DST: variants seen among roughly 807,000 people sequenced by gnomAD.
DST encodes the protein dystonin.
DST carries 253 observed loss-of-function variants against 875.2 expected under a neutral mutation model. That is an observed-to-expected ratio of 0.29 (90% CI 0.26 to 0.32). The LOEUF is 0.32. Among genes scored for constraint, DST ranks in the 10% least tolerant of loss-of-function variants. The pLI is 1.00. For synonymous variants in DST, 3,124 were observed against 3,197.1 expected (o/e 0.98, Z 0.77); for missense variants, 8,287 against 9,111.6 (o/e 0.91, Z 3.68).
intron 95 of DST, 25 bp downstream of exon 95, chr6:56,471,081 C>A: frequency 6.2e-7 from 1 of 1,601,428 alleles, no homozygotes; most frequent in South Asian, 1.1e-5. Context: ...TTGTATCAGT[C>A]ATAGTCATCT....
chr6:56,607,932 C>G lies in DST; in HGVS notation c.6696G>C (p.Met2232Ile). The G allele has an allele frequency of 6.2e-7, 1 of 1,613,682 alleles. No homozygotes were observed. The highest frequency in any genetic ancestry group is 1.1e-5 in the South Asian group (1 of 91,076). Residue 2232 changes from methionine (M) to isoleucine (I), a missense_variant, in exon 40 of 104, where the codon ATG (methionine) becomes ATC (isoleucine). Physicochemically the swap from Met to Ile is conservative, Grantham distance 10. This residue lies in a region of DST where 3,138 missense variants were observed against 3,116.6 expected (regional missense o/e 1.01). Coordinates refer to ENST00000680361, the MANE Select transcript of DST (RefSeq NM_001374736.1). ...YDGDLDEAVGMLLEGCHAEFD... is the reference protein window; with the variant it reads ...YDGDLDEAVGILLEGCHAEFD... Reference sequence around the variant, plus strand: ...ATTCTGCATGACAGCCTTCCAGTAGCATGCCAACAGCCTCATCCAAGTCTC... The same window carrying G: ...ATTCTGCATGACAGCCTTCCAGTAGGATGCCAACAGCCTCATCCAAGTCTC...
At chr6:56,691,473 G>A (rs2099228842) in intron 9 of DST, among the ~76,000 whole-genome samples, 1 of 152,044 alleles carries the variant, frequency 6.6e-6, no homozygotes, top group Non-Finnish European at 1.5e-5. Context: ...AATGATCTCT[G>A]CTCATTGATA....
chr6:56,639,838 T>C, intron 19 of DST, 65 bp from the exon 20 acceptor site: 1 of 1,583,932 alleles, frequency 6.3e-7, no homozygotes, highest in Non-Finnish European at 8.7e-7. Context: ...TCACACTTAA[T>C]GTATCTATTA....
intron 36 of DST, among the ~76,000 whole-genome samples, chr6:56,621,298 T>C (rs2098688733): frequency 6.6e-6 from 1 of 152,140 alleles, no homozygotes; most frequent in African/African-American, 2.4e-5. Context: ...GGAAATAACA[T>C]GGGGAAGAAG....
At chr6:56,491,213 T>G (rs546360093) in intron 85 of DST, among the ~76,000 whole-genome samples, 34 of 152,348 alleles carry the variant, frequency 2.2e-4, no homozygotes, top group African/African-American at 7.9e-4. Flanking sequence ...CAATTTGTCA[T>G]TTCTCAAGCC....
In DST at chr6:56,631,291, G is replaced by A. The variant is rs78600049; in HGVS notation, c.4062C>T (p.Val1354=). The part of the protein sequence containing the change: ...FFSQAAASSS[V]PTLRSELNVV... ...CATTAAGCTCTGATCGTAGGGTAGGGACTGATGAAGAGGCTGCTGCTTGAC... is the reference window on the plus strand; with the variant it reads ...CATTAAGCTCTGATCGTAGGGTAGGAACTGATGAAGAGGCTGCTGCTTGAC... Residue 1354 remains valine (V), a synonymous_variant, in exon 30 of 104, where the codon GTC becomes GTT. Transcript: ENST00000680361. 3,765 of 1,613,884 alleles carry A rather than the reference G, an allele frequency of 2.3e-3. 66 individuals are homozygous for A. In the African/African-American group the frequency reaches 0.043, roughly 18 times the overall value.
chr6:56,796,494 G>A (rs536579771), intron 4 of DST, among the ~76,000 whole-genome samples: 1 of 152,156 alleles, frequency 6.6e-6, no homozygotes, highest in Non-Finnish European at 1.5e-5. Flanking sequence ...CCAATACACA[G>A]GGCACAAAAC....
chr6:56,777,353 T>C (rs1253234615), intron 4 of DST, among the ~76,000 whole-genome samples: 3 of 152,026 alleles, frequency 2.0e-5, no homozygotes, highest in African/African-American at 7.3e-5. Context: ...ACTAACAATA[T>C]AACCTAGCTT....
At position 56,557,406 on chromosome 6, in the gene DST, C is replaced by G; in HGVS notation, c.14553G>C (p.Trp4851Cys). 1 of 1,613,706 alleles carries G rather than the reference C, an allele frequency of 6.2e-7. No individual in the cohort carries two copies. Among genetic ancestry groups the G allele is most frequent in the Non-Finnish European group, 8.5e-7 (1 of 1,179,706 alleles). The change falls in exon 59 of 104, where the codon TGG (tryptophan) becomes TGC (cysteine). Residue 4851 changes from tryptophan to cysteine, a missense_variant. Around this residue, in one of 10 missense-constraint regions of DST, gnomAD observed 1,513 missense variants for 1,677.8 expected, o/e 0.90. Transcript: ENST00000680361. The part of the protein sequence containing the change: ...FQTVEAQLKQ[W>C]LVEKELMVSV... ...TGACCATAAGTTCTTTTTCCACAAGCCACTGTTTCAATTGGGCCTCTACAG... is the reference window on the plus strand; with the variant it reads ...TGACCATAAGTTCTTTTTCCACAAGGCACTGTTTCAATTGGGCCTCTACAG...
intron 3 of DST, among the ~76,000 whole-genome samples, chr6:56,865,171 C>G (rs1166541657): frequency 1.3e-5 from 2 of 152,122 alleles, no homozygotes; most frequent in Admixed American, 1.3e-4. Flanking sequence ...CTAACAGAAA[C>G]AGCCTAGCCC....
At position 56,608,338 on chromosome 6, in the gene DST, G is replaced by T. The variant is rs752260335; in HGVS notation, c.6290C>A (p.Ala2097Asp). Residue 2097 changes from alanine to aspartate, a missense_variant, in exon 40 of 104, where the codon GCC (alanine) becomes GAC (aspartate). Transcript: ENST00000680361. ...TTGTCTGCCATTCAGGATTTTGTAG[G>T]CCAATTCATTTGTAATCAATTCTTG... The part of the protein sequence containing the change: ...LQQELITNEL[A>D]YKILNGRQKI... 1.2e-6 allele frequency: 2 copies of T among 1,612,386 alleles called. No individual in the cohort carries two copies. Among genetic ancestry groups the T allele is most frequent in the African/African-American group, 2.7e-5 (2 of 74,856 alleles).
intron 28 of DST, among the ~76,000 whole-genome samples, chr6:56,632,266 C>T (rs1274904327): frequency 6.6e-6 from 1 of 151,870 alleles, no homozygotes; most frequent in African/African-American, 2.4e-5. Flanking sequence ...TACCAATTTC[C>T]GATTAAATGC....
chr6:56,880,682 G>A (rs144502173), intron 3 of DST, among the ~76,000 whole-genome samples: 4,231 of 144,496 alleles, frequency 0.029, 182 homozygotes, highest in African/African-American at 0.097. Context: ...GTGAGACTCC[G>A]TCTCAAAAAA....
At chr6:56,601,143 G>A (rs892194504) in intron 44 of DST, among the ~76,000 whole-genome samples, 11 of 151,998 alleles carry the variant, frequency 7.2e-5, no homozygotes, top group Non-Finnish European at 1.3e-4. Flanking sequence ...TTAGTCATAT[G>A]TTCCTCAATG....
chr6:56,825,100 G>T (rs964817888), intron 4 of DST, among the ~76,000 whole-genome samples: 1 of 151,738 alleles, frequency 6.6e-6, no homozygotes, highest in South Asian at 2.1e-4. Context: ...GATGGTTGCC[G>T]TGTCTGTGTA....
intron 74 of DST, among the ~76,000 whole-genome samples, 184 bp from the exon 75 acceptor site, chr6:56,508,939 A>G (rs1018211045): frequency 5.3e-5 from 8 of 152,192 alleles, no homozygotes; most frequent in African/African-American, 9.6e-5. Flanking sequence ...AAATAACATA[A>G]TATCTCTGGG....
intron 36 of DST, among the ~76,000 whole-genome samples, chr6:56,620,881 A>G (rs189679571): frequency 1.1e-4 from 16 of 152,302 alleles, no homozygotes; most frequent in African/African-American, 3.9e-4. Context: ...GAAGCCTCAG[A>G]AAGTCAGCAG....
intron 36 of DST, chr6:56,620,254 ATCTTT>A: frequency 6.2e-7 from 1 of 1,614,014 alleles, no homozygotes; most frequent in Non-Finnish European, 8.5e-7. Flanking sequence ...TGAGACTTAA[ATCTTT>A]TCTTTTAAGA....
intron 100 of DST, 136 bp downstream of exon 100, chr6:56,464,549 C>A (rs2152382282): frequency 1.5e-6 from 1 of 660,276 alleles, no homozygotes; most frequent in Non-Finnish European, 2.6e-6. Flanking sequence ...TTTGGAAGCA[C>A]CAGCTCAGCT....
Sources: gnomAD v4.1 joint callset for allele counts (sites outside exome capture counted in the v4.1 genomes callset) on GRCh38, gnomAD v4.1.1 for gene constraint, gnomAD v4.1.1 regional missense constraint, MANE v1.5 for transcripts, NCBI Gene and HGNC (gene_info 2026-07-23, HGNC 2026-07-21) for gene names.